GAPDH: variants seen among roughly 807,000 people sequenced by gnomAD.
The protein encoded by GAPDH is OCAS, p38 component.
Under a neutral mutation model 31.2 loss-of-function variants are expected in GAPDH, and 13 were observed. The ratio of observed to expected loss-of-function variants is 0.42; its 90% CI spans 0.27 to 0.66. The LOEUF is 0.66. Among genes scored for constraint, GAPDH ranks in the 30% least tolerant of loss-of-function variants. The pLI, the probability that GAPDH is intolerant of heterozygous loss-of-function variation, is 0.26. For missense variants in GAPDH, 300 were observed against 443.7 expected, an observed-to-expected ratio of 0.68 and a Z score of 2.91; for synonymous variants, 211 against 166.9, an observed-to-expected ratio of 1.26 and a Z score of -2.04.
At position 6,537,946 on chromosome 12, in the gene GAPDH, C is replaced by T. The variant is rs11549325; in HGVS notation, c.888C>T (p.Asp296=). The change falls in exon 8 of 9, where the codon GAC becomes GAT. Residue 296 remains aspartate (D), a synonymous_variant. Coordinates refer to ENST00000229239, the MANE Select transcript of GAPDH (RefSeq NM_002046.7). This position sits in a 1 kb window ranked among gnomAD's most constrained non-coding sequence, Gnocchi z 4.9. The part of the protein sequence containing the change: ...FNSDTHSSTF[D]AGAGIALNDH... Reference sequence around the variant, plus strand: ...GCGACACCCACTCCTCCACCTTTGACGCTGGGGCTGGCATTGCCCTCAACG... The same window carrying T: ...GCGACACCCACTCCTCCACCTTTGATGCTGGGGCTGGCATTGCCCTCAACG... The T allele has an allele frequency of 1.2e-5, 19 of 1,614,096 alleles. No homozygotes were observed. Among genetic ancestry groups the T allele is most frequent in the Admixed American group, 5.0e-5 (3 of 60,028 alleles).
intron 8 of GAPDH, 37 bp from the exon 9 acceptor site, chr12:6,538,064 C>T: frequency 1.3e-6 from 2 of 1,599,346 alleles, no homozygotes; most frequent in Non-Finnish European, 1.7e-6. Flanking sequence ...GTGGCTGGCT[C>T]AGAAAAAGGG....
At position 6,537,841 on chromosome 12, in the gene GAPDH, G is replaced by A. The variant is rs559678529; in HGVS notation, c.783G>A (p.Val261=). The A allele has an allele frequency of 7.4e-6, 12 of 1,612,528 alleles. No individual in the cohort carries two copies. The East Asian group carries it at 2.5e-4, about 33-fold the overall frequency. ...KPAKYDDIKK[V]VKQASEGPLK... ...CCAAATATGATGACATCAAGAAGGT[G>A]GTGAAGCAGGCGTCGGAGGGCCCCC... is the stretch of plus-strand genomic sequence containing the variant. Residue 261 remains valine (V), a synonymous_variant, in exon 8 of 9, where the codon GTG becomes GTA. Coordinates refer to ENST00000229239, the MANE Select transcript of GAPDH (RefSeq NM_002046.7). This position sits in a 1 kb window ranked among gnomAD's most constrained non-coding sequence, Gnocchi z 4.9.
chr12:6,538,092 A>T lies in GAPDH; in HGVS notation c.939-9A>T. On this transcript the variant is annotated splice_polypyrimidine_tract_variant and intron_variant, in intron 8 of 8. Coordinates refer to ENST00000229239, the MANE Select transcript of GAPDH (RefSeq NM_002046.7). ...AAAAAGGGCCCTGACAACTCTTTTC[A>T]TCTTCTAGGTATGACAACGAATTTG... 1.9e-6 allele frequency: 3 copies of T among 1,596,688 alleles called. No homozygotes were observed. The highest frequency in any genetic ancestry group is 2.5e-6 in the Non-Finnish European group (3 of 1,179,512).
intron 2 of GAPDH, chr12:6,535,322 A>ATGGGCAGCCG: frequency 1.0e-6 from 1 of 996,880 alleles, no homozygotes; most frequent in Non-Finnish European, 1.2e-6. Context: ...AAGGAAATGA[A>ATGGGCAGCCG]TGGGCAGCCG....
intron 2 of GAPDH, chr12:6,535,230 C>A: frequency 9.2e-7 from 1 of 1,085,818 alleles, no homozygotes; most frequent in Non-Finnish European, 1.1e-6. Context: ...GCACCGCAGG[C>A]CCCGGGATGC....
chr12:6,536,412 T>G, intron 2 of GAPDH, 82 bp from the exon 3 acceptor site: 1 of 999,206 alleles, frequency 1.0e-6, no homozygotes, highest in South Asian at 1.3e-5. Flanking sequence ...ATTCGCCCTC[T>G]TAATGGGGAG....
rs1159728024 is a variant in GAPDH, at chr12:6,537,278, G to T, written c.444-31G>T. Reference sequence around the variant, plus strand: ...TGGCACCCTATGGACACGCTCCCCTGACTTGCGCCCCGCTCCCTCTTTCTT... The same window carrying T: ...TGGCACCCTATGGACACGCTCCCCTTACTTGCGCCCCGCTCCCTCTTTCTT... On this transcript the variant is annotated intron_variant, in intron 6 of 8. Transcript: ENST00000229239. This position sits in a 1 kb window ranked among gnomAD's most constrained non-coding sequence, Gnocchi z 4.9. 2.5e-6 allele frequency: 4 copies of T among 1,600,396 alleles called. No individual in the cohort carries two copies. The highest frequency in any genetic ancestry group is 3.4e-6 in the Non-Finnish European group (4 of 1,178,424).
rs1946415487 is a variant in GAPDH at position 6,534,589 on chromosome 12, A to C, written c.-24+20A>C. ...CGCCAGGTGAAGACGGGCGGAGAGA[A>C]ACCCGGGAGGCTAGGGACGGCCTGA... On this transcript the variant is annotated intron_variant, in intron 1 of 8. Coordinates refer to ENST00000229239, the MANE Select transcript of GAPDH (RefSeq NM_002046.7). 1.8e-6 allele frequency: 1 copy of C among 555,318 alleles called. No homozygotes were observed. Among genetic ancestry groups the C allele is most frequent in the African/African-American group, 2.0e-5 (1 of 49,194 alleles). The allele number at this position is 555,318 out of a possible 1,614,324, so 34.4% of individuals were successfully genotyped here. A position where few individuals can be genotyped will look rare whatever the true frequency, so the allele number is the denominator to read the frequency against.
At chr12:6,534,969 G>A (rs1946428223) in intron 2 of GAPDH, 108 bp downstream of exon 2, 1 of 1,274,624 alleles carries the variant, frequency 7.8e-7, no homozygotes, top group Admixed American at 2.0e-5. Flanking sequence ...CAGGGTAGCT[G>A]TTCCCCGCAA....
chr12:6,535,465 C>T (rs1946443073), intron 2 of GAPDH: 1 of 986,522 alleles, frequency 1.0e-6, no homozygotes, highest in Non-Finnish European at 1.2e-6. Flanking sequence ...CTAGATTATT[C>T]TCTGGTAAAT....
Position 6,535,098 on chromosome 12 carries a change from A to G in GAPDH, c.29+237A>G, listed in dbSNP as rs899714239. ...GAGCCTCCTTCCCCTAGTCCCCAGA[A>G]ACAGGAGGTCCCTACTCCCGCCCGA... On this transcript the variant is annotated intron_variant, in intron 2 of 8. Transcript: ENST00000229239. The G allele has an allele frequency of 3.5e-5, 27 of 765,350 alleles. No homozygotes were observed. In the Admixed American group the frequency reaches 7.9e-4, roughly 22 times the overall value. 47.4% of individuals were successfully genotyped at this position (765,350 alleles called of 1,614,324 possible). A position where few individuals can be genotyped will look rare whatever the true frequency, so the allele number is the denominator to read the frequency against.
rs756270449 is a variant in GAPDH, at chr12:6,537,754, C to G, written c.696C>G (p.Ala232=). The change falls in exon 8 of 9, where the codon GCC becomes GCG. Residue 232 remains alanine, a synonymous_variant. Transcript: ENST00000229239. This position sits in a 1 kb window ranked among gnomAD's most constrained non-coding sequence, Gnocchi z 4.9. ...PELNGKLTGM[A]FRVPTANVSV... ...TGAACGGGAAGCTCACTGGCATGGC[C>G]TTCCGTGTCCCCACTGCCAACGTGT... 56 of 1,611,650 alleles carry G rather than the reference C, an allele frequency of 3.5e-5. No individual in the cohort carries two copies. Among genetic ancestry groups the G allele is most frequent in the Non-Finnish European group, 7.6e-6 (9 of 1,179,864 alleles).
In GAPDH at chr12:6,537,478, G is replaced by A; in HGVS notation, c.525+88G>A. ...TGCCGGGGCTGCGTGCAACCCTGGG[G>A]TTGGGGGTTCTGGGGACTGGCTTTC... On this transcript the variant is annotated intron_variant, in intron 7 of 8. Transcript: ENST00000229239. This position sits in a 1 kb window ranked among gnomAD's most constrained non-coding sequence, Gnocchi z 4.9. The A allele has an allele frequency of 1.9e-6, 3 of 1,584,442 alleles. No individual in the cohort carries two copies. The highest frequency in any genetic ancestry group is 1.1e-5 in the South Asian group (1 of 89,290).
chr12:6,536,149 CTAG>C (rs1238894236), intron 2 of GAPDH, among the ~76,000 whole-genome samples: 1 of 152,200 alleles, frequency 6.6e-6, no homozygotes, highest in Non-Finnish European at 1.5e-5. Flanking sequence ...TGCAGCTGAG[CTAG>C]GCAGCAGCAA....
chr12:6,536,429 T>C, intron 2 of GAPDH, 65 bp from the exon 3 acceptor site: 1 of 1,198,776 alleles, frequency 8.3e-7, no homozygotes, highest in Non-Finnish European at 1.2e-6. Context: ...GGAGGTGGCC[T>C]AGGGCTGCTC....
chr12:6,537,395 G>A lies in GAPDH; in HGVS notation c.525+5G>A, dbSNP rs1946499892. 2 of 1,601,594 alleles carry A rather than the reference G, an allele frequency of 1.2e-6. No homozygotes were observed. Among genetic ancestry groups the A allele is most frequent in the African/African-American group, 2.7e-5 (2 of 74,882 alleles). ...GGTATCGTGGAAGGACTCATGGTAT[G>A]AGAGCTGGGGAATGGGACTGAGGCT... is the stretch of plus-strand genomic sequence containing the variant. On this transcript the variant is annotated splice_donor_5th_base_variant and intron_variant, in intron 7 of 8. Coordinates refer to ENST00000229239, the MANE Select transcript of GAPDH (RefSeq NM_002046.7). The surrounding 1 kb of genome is among the most constrained non-coding windows in gnomAD (Gnocchi z 4.9).
At position 6,537,953 on chromosome 12, in the gene GAPDH, G is replaced by T; in HGVS notation, c.895G>T (p.Ala299Ser). The stretch of plus-strand genomic sequence containing the variant: ...CCACTCCTCCACCTTTGACGCTGGG[G>T]CTGGCATTGCCCTCAACGACCACTT... ...DTHSSTFDAG[A>S]GIALNDHFVK... The change falls in exon 8 of 9, where the codon GCT (alanine) becomes TCT (serine). Residue 299 changes from alanine (A) to serine (S), a missense_variant. Physicochemically the swap from Ala to Ser is moderately conservative, Grantham distance 99. Coordinates refer to ENST00000229239, the MANE Select transcript of GAPDH (RefSeq NM_002046.7). This position sits in a 1 kb window ranked among gnomAD's most constrained non-coding sequence, Gnocchi z 4.9. The T allele has an allele frequency of 6.2e-7, 1 of 1,614,044 alleles. No individual in the cohort carries two copies. The highest frequency in any genetic ancestry group is 8.5e-7 in the Non-Finnish European group (1 of 1,179,970).
chr12:6,537,803 C>G lies in GAPDH; in HGVS notation c.745C>G (p.Leu249Val), dbSNP rs1327882622. 1.2e-6 allele frequency: 2 copies of G among 1,611,772 alleles called. No individual in the cohort carries two copies. The highest frequency in any genetic ancestry group is 1.1e-5 in the South Asian group (1 of 90,992). The change falls in exon 8 of 9, where the codon CTA becomes GTA. Residue 249 changes from leucine (L) to valine (V), a missense_variant. Leu to Val is a conservative substitution (Grantham distance 32). Coordinates refer to ENST00000229239, the MANE Select transcript of GAPDH (RefSeq NM_002046.7). This position sits in a 1 kb window ranked among gnomAD's most constrained non-coding sequence, Gnocchi z 4.9. ...GTCAGTGGTGGACCTGACCTGCCGT[C>G]TAGAAAAACCTGCCAAATATGATGA... ...NVSVVDLTCR[L>V]EKPAKYDDIK...
Position 6,537,305 on chromosome 12 carries a change from G to A in GAPDH, c.444-4G>A, listed in dbSNP as rs780304796. ...CTTGCGCCCCGCTCCCTCTTTCTTT[G>A]CAGCAATGCCTCCTGCACCACCAAC... is the stretch of plus-strand genomic sequence containing the variant. On this transcript the variant is annotated splice_polypyrimidine_tract_variant and splice_region_variant and intron_variant, in intron 6 of 8. Coordinates refer to ENST00000229239, the MANE Select transcript of GAPDH (RefSeq NM_002046.7). The surrounding 1 kb of genome is among the most constrained non-coding windows in gnomAD (Gnocchi z 4.9). The A allele has an allele frequency of 5.0e-6, 8 of 1,598,650 alleles. No homozygotes were observed. The highest frequency in any genetic ancestry group is 1.2e-5 in the South Asian group (1 of 86,038).
Sources: allele counts gnomAD v4.1 joint callset (sites outside exome capture counted in the v4.1 genomes callset), GRCh38; gene constraint gnomAD v4.1.1; non-coding constraint Gnocchi (gnomAD v3.1); transcripts MANE v1.5; gene names NCBI Gene and HGNC (gene_info 2026-07-23, HGNC 2026-07-21).